The following OR9K2 variants were observed in gnomAD, a reference collection of about 807,000 sequenced individuals.
The protein encoded by OR9K2 is olfactory receptor 9K2.
In OR9K2, 16 loss-of-function variants were observed where a neutral mutation model predicts 12.4. The observed-to-expected ratio is 1.29, with a 90% confidence interval of 0.87 to 1.95. The LOEUF (loss-of-function observed/expected upper bound fraction) is 1.95, where lower values mean the gene tolerates loss of function less well. OR9K2 is among the 30% of genes most tolerant of loss of function. The pLI, the probability that OR9K2 is intolerant of heterozygous loss-of-function variation, is 0.00. For synonymous variants in OR9K2, 133 were observed against 133.2 expected (o/e 1.00, Z 0.01); for missense variants, 434 against 376.5 (o/e 1.15, Z -1.26).
intron 2 of OR9K2, chr12:55,129,580 G>A: frequency 1.8e-6 from 1 of 564,878 alleles, no homozygotes; most frequent in South Asian, 2.6e-5. Flanking sequence ...GGGTAGAAAG[G>A]CATTGTATTA....
chr12:55,130,640 C>G lies in OR9K2; in HGVS notation c.806C>G (p.Pro269Arg). 6.2e-7 allele frequency: 1 copy of G among 1,613,868 alleles called. No homozygotes were observed. The highest frequency in any genetic ancestry group is 8.5e-7 in the Non-Finnish European group (1 of 1,179,852). The part of the protein sequence containing the change: ...FFMYLTPDRF[P>R]ELSKVASLCY... ...ATGTATCTCACTCCTGACAGATTTCCTGAGCTGAGTAAAGTGGCATCCTTA... is the reference window on the plus strand; with the variant it reads ...ATGTATCTCACTCCTGACAGATTTCGTGAGCTGAGTAAAGTGGCATCCTTA... Residue 269 changes from proline to arginine, a missense_variant, in exon 3 of 3, where the codon CCT becomes CGT. Physicochemically the swap from Pro to Arg is moderately radical, Grantham distance 103 (BLOSUM62 -2). Coordinates refer to ENST00000641329, the MANE Select transcript of OR9K2 (RefSeq NM_001005243.2).
At position 55,130,526 on chromosome 12, in the gene OR9K2, T is replaced by C. The variant is rs1390032179; in HGVS notation, c.692T>C (p.Ile231Thr). The change falls in exon 3 of 3, where the codon ATA (isoleucine) becomes ACA (threonine). Residue 231 changes from isoleucine (I) to threonine (T), a missense_variant. Physicochemically the swap from Ile to Thr is moderately conservative, Grantham distance 89 (BLOSUM62 -1). Transcript: ENST00000641329. ...YMYIVSTVLK[I>T]HSTEGHKKAF... The stretch of plus-strand genomic sequence containing the variant: ...TATATTGTGTCCACAGTTCTAAAGA[T>C]ACATTCTACTGAGGGACATAAGAAG... 3 of 1,613,856 alleles carry C rather than the reference T, an allele frequency of 1.9e-6. No individual in the cohort carries two copies. The highest frequency in any genetic ancestry group is 2.2e-5 in the East Asian group (1 of 44,876).
At chr12:55,127,996 G>A (rs987781591) in intron 2 of OR9K2, among the ~76,000 whole-genome samples, 8 of 152,028 alleles carry the variant, frequency 5.3e-5, no homozygotes, top group East Asian at 1.9e-4. Context: ...CAGAACTGGA[G>A]CCTAGATTTA....
chr12:55,130,932 T>C lies in OR9K2; in HGVS notation c.*156T>C, dbSNP rs762582305. 7.5e-6 allele frequency: 4 copies of C among 536,348 alleles called. No homozygotes were observed. The highest frequency in any genetic ancestry group is 1.3e-5 in the Non-Finnish European group (4 of 306,930). 33.2% of individuals were successfully genotyped at this position (536,348 alleles called of 1,614,324 possible). On this transcript the variant is annotated 3_prime_UTR_variant, in exon 3 of 3. Coordinates refer to ENST00000641329, the MANE Select transcript of OR9K2 (RefSeq NM_001005243.2). ...TTTTACTTTTTTACCTCCCAAGACATCATTAATTCTGAAAATCTTGGATAT... is the reference window on the plus strand; with the variant it reads ...TTTTACTTTTTTACCTCCCAAGACACCATTAATTCTGAAAATCTTGGATAT...
chr12:55,129,055 C>T (rs1374751919), intron 2 of OR9K2, among the ~76,000 whole-genome samples: 1 of 152,070 alleles, frequency 6.6e-6, no homozygotes. Context: ...CAGCAAAACC[C>T]CATGACACAA....
rs201700954 is a variant in OR9K2, at chr12:55,130,127, C to T, written c.293C>T (p.Ala98Val). ...TCTGAAAACAAGTCTATCTCCTTTG[C>T]AGGCTGTGTGGCCCAGCTCTTTCTC... is the stretch of plus-strand genomic sequence containing the variant. Reference protein sequence around the residue: ...FWSENKSISFAGCVAQLFLFA... With the variant: ...FWSENKSISFVGCVAQLFLFA... Residue 98 changes from alanine to valine, a missense_variant, in exon 3 of 3, where the codon GCA becomes GTA. Physicochemically the swap from Ala to Val is moderately conservative, Grantham distance 64 (BLOSUM62 0). Transcript: ENST00000641329. The T allele has an allele frequency of 3.5e-5, 56 of 1,613,680 alleles. No individual in the cohort carries two copies. The East Asian group carries it at 6.5e-4, about 19-fold the overall frequency.
chr12:55,126,827 G>A lies in OR9K2; in HGVS notation c.-93-1G>A, dbSNP rs1210114242. On this transcript the variant is annotated splice_acceptor_variant, in intron 1 of 2. Transcript: ENST00000641329. LOFTEE classifies it low-confidence loss of function (5UTR_SPLICE). The stretch of plus-strand genomic sequence containing the variant: ...ATTAACTTTATGTTTATCCTTTCTA[G>A]AATTAAAACAATAAACAGAGGAAAA... The A allele has an allele frequency of 2.0e-5, 3 of 151,836 alleles. No homozygotes were observed. The highest frequency in any genetic ancestry group is 4.4e-5 in the Non-Finnish European group (3 of 67,928). 9.4% of individuals were successfully genotyped at this position (151,836 alleles called of 1,614,324 possible).
At position 55,130,396 on chromosome 12, in the gene OR9K2, C is replaced by T. The variant is rs1335515993; in HGVS notation, c.562C>T (p.Gln188Ter). 12 of 1,613,998 alleles carry T rather than the reference C, an allele frequency of 7.4e-6. No homozygotes were observed. The highest frequency in any genetic ancestry group is 2.2e-5 in the East Asian group (1 of 44,884). Residue 188 changes from glutamine (Q) to a stop codon, truncating the protein, a stop_gained, in exon 3 of 3, where the codon CAG (glutamine) becomes TAG (stop). Transcript: ENST00000641329. LOFTEE classifies it high-confidence loss of function. ...CTTTTACTGTGATTCTCGCCCACTT[C>T]AGAGACTGTCTTGTTCTGATCTCTT... is the stretch of plus-strand genomic sequence containing the variant. Reference protein sequence around the residue: ...DHFYCDSRPLQRLSCSDLFIH... With the variant: ...DHFYCDSRPL
In OR9K2 at chr12:55,131,739, A is replaced by G. The variant is rs1180349207; in HGVS notation, c.*963A>G. 2 of 152,186 alleles carry G rather than the reference A, an allele frequency of 1.3e-5. No individual in the cohort carries two copies. The highest frequency in any genetic ancestry group is 2.9e-5 in the Non-Finnish European group (2 of 68,038). 9.4% of individuals were successfully genotyped at this position (152,186 alleles called of 1,614,324 possible). A position where few individuals can be genotyped will look rare whatever the true frequency, so the allele number is the denominator to read the frequency against. The stretch of plus-strand genomic sequence containing the variant: ...CAGACATTTTGCCAAAGGTACTCAT[A>G]GAGATCACAAAGTGGGGTGCCTGAA... On this transcript the variant is annotated 3_prime_UTR_variant, in exon 3 of 3. Transcript: ENST00000641329.
Position 55,131,906 on chromosome 12 carries a change from A to C in OR9K2, c.*1130A>C, listed in dbSNP as rs1376912661. The stretch of plus-strand genomic sequence containing the variant: ...CAATGGTATGTCGATATTAATGAAC[A>C]AAGGCAGATTTTTTAAACTGCAGGT... On this transcript the variant is annotated 3_prime_UTR_variant, in exon 3 of 3. Coordinates refer to ENST00000641329, the MANE Select transcript of OR9K2 (RefSeq NM_001005243.2). 1 of 152,212 alleles carries C rather than the reference A, an allele frequency of 6.6e-6. No individual in the cohort carries two copies. Among genetic ancestry groups the C allele is most frequent in the Non-Finnish European group, 1.5e-5 (1 of 68,036 alleles). 9.4% of individuals were successfully genotyped at this position (152,212 alleles called of 1,614,324 possible). A position where few individuals can be genotyped will look rare whatever the true frequency, so the allele number is the denominator to read the frequency against.
chr12:55,127,663 C>G (rs1191787966), intron 2 of OR9K2, among the ~76,000 whole-genome samples: 1 of 151,904 alleles, frequency 6.6e-6, no homozygotes, highest in African/African-American at 2.4e-5. Context: ...TCTCTCTAAA[C>G]TTTTAACAGA....
Position 55,129,979 on chromosome 12 carries a change from A to C in OR9K2, c.145A>C (p.Met49Leu), listed in dbSNP as rs772585192. 6.2e-7 allele frequency: 1 copy of C among 1,613,996 alleles called. No individual in the cohort carries two copies. The highest frequency in any genetic ancestry group is 8.5e-7 in the Non-Finnish European group (1 of 1,179,946). Residue 49 changes from methionine to leucine, a missense_variant, in exon 3 of 3, where the codon ATG (methionine) becomes CTG (leucine). Met to Leu is a conservative substitution (Grantham distance 15). Transcript: ENST00000641329. The stretch of plus-strand genomic sequence containing the variant: ...GATCCTTCTAGGGAATGTTGGGATG[A>C]TGACCATTATTATGACTGATCCTCG... Reference protein sequence around the residue: ...AMILLGNVGMMTIIMTDPRLN... With the variant: ...AMILLGNVGMLTIIMTDPRLN...
chr12:55,130,706 A>G lies in OR9K2; in HGVS notation c.872A>G (p.Tyr291Cys). ...LVTPMLNPLI[Y>C]SLRNKDVQEA... is the part of the protein sequence containing the mutation. ...ACTCCCATGTTGAATCCTTTGATTTACTCTCTGAGGAACAAAGATGTCCAA... is the reference window on the plus strand; with the variant it reads ...ACTCCCATGTTGAATCCTTTGATTTGCTCTCTGAGGAACAAAGATGTCCAA... The change falls in exon 3 of 3, where the codon TAC becomes TGC. Residue 291 changes from tyrosine (Y) to cysteine (C), a missense_variant. By Grantham distance (194) the Tyr-to-Cys change is radical. Transcript: ENST00000641329. 1.2e-6 allele frequency: 2 copies of G among 1,610,146 alleles called. No individual in the cohort carries two copies. The highest frequency in any genetic ancestry group is 1.7e-6 in the Non-Finnish European group (2 of 1,176,570).
Position 55,129,925 on chromosome 12 carries a change from T to C in OR9K2, c.91T>C (p.Phe31Leu). Residue 31 changes from phenylalanine (F) to leucine (L), a missense_variant, in exon 3 of 3, where the codon TTC becomes CTC. Coordinates refer to ENST00000641329, the MANE Select transcript of OR9K2 (RefSeq NM_001005243.2). ...ACGCCCAGAGCTCCACATTCTCCTC[T>C]TCCTGCTATTTTTGTTTGTTTATGC... ...RVRPELHILL[F>L]LLFLFVYAMI... 6.2e-7 allele frequency: 1 copy of C among 1,614,108 alleles called. No individual in the cohort carries two copies. Among genetic ancestry groups the C allele is most frequent in the Non-Finnish European group, 8.5e-7 (1 of 1,179,964 alleles).
At position 55,130,129 on chromosome 12, in the gene OR9K2, G is replaced by A. The variant is rs1953460396; in HGVS notation, c.295G>A (p.Gly99Ser). The change falls in exon 3 of 3, where the codon GGC becomes AGC. Residue 99 changes from glycine (G) to serine (S), a missense_variant. By Grantham distance (56) the Gly-to-Ser change is moderately conservative. Transcript: ENST00000641329. ...TGAAAACAAGTCTATCTCCTTTGCA[G>A]GCTGTGTGGCCCAGCTCTTTCTCTT... is the stretch of plus-strand genomic sequence containing the variant. ...WSENKSISFA[G>S]CVAQLFLFAL... The A allele has an allele frequency of 6.2e-7, 1 of 1,613,656 alleles. No homozygotes were observed. Among genetic ancestry groups the A allele is most frequent in the Non-Finnish European group, 8.5e-7 (1 of 1,179,976 alleles).
At chr12:55,127,224 A>G (rs1953435233) in intron 2 of OR9K2, among the ~76,000 whole-genome samples, 1 of 151,920 alleles carries the variant, frequency 6.6e-6, no homozygotes. Context: ...AAACAAGCTG[A>G]GTTTGATGTT....
intron 2 of OR9K2, among the ~76,000 whole-genome samples, chr12:55,127,413 G>A (rs1374764371): frequency 6.6e-6 from 1 of 151,816 alleles, no homozygotes. Context: ...TTTTCATGCT[G>A]ACTTCAGTCA....
chr12:55,130,237 T>C lies in OR9K2; in HGVS notation c.403T>C (p.Tyr135His). The change falls in exon 3 of 3, where the codon TAC (tyrosine) becomes CAC (histidine). Residue 135 changes from tyrosine (Y) to histidine (H), a missense_variant. Physicochemically the swap from Tyr to His is moderately conservative, Grantham distance 83. Transcript: ENST00000641329. ...TATTGCCATCTGCAACCCTCTGCTC[T>C]ACTCTGTTCAAATGTCCACACGTCT... The part of the protein sequence containing the change: ...RFIAICNPLL[Y>H]SVQMSTRLCT... 6.2e-7 allele frequency: 1 copy of C among 1,614,152 alleles called. No homozygotes were observed. The highest frequency in any genetic ancestry group is 8.5e-7 in the Non-Finnish European group (1 of 1,180,008).
intron 2 of OR9K2, among the ~76,000 whole-genome samples, chr12:55,129,061 C>G (rs1311464603): frequency 6.6e-6 from 1 of 152,136 alleles, no homozygotes; most frequent in African/African-American, 2.4e-5. Context: ...AACCCCATGA[C>G]ACAAGTTTAC....
Sources: allele counts gnomAD v4.1 joint callset (sites outside exome capture counted in the v4.1 genomes callset), GRCh38; gene constraint gnomAD v4.1.1; transcripts MANE v1.5; gene names NCBI Gene and HGNC (gene_info 2026-07-23, HGNC 2026-07-21).